Variants in CADM2 observed in about 807,000 individuals in gnomAD.
The protein encoded by CADM2 is immunoglobulin superfamily member 4D.
A neutral mutation model predicts 49.8 loss-of-function variants in CADM2; 12 were observed. That is an observed-to-expected ratio of 0.24 (90% CI 0.15 to 0.39). The LOEUF (loss-of-function observed/expected upper bound fraction) is 0.39, where lower values mean the gene tolerates loss of function less well. CADM2 is among the 10% of genes least tolerant of loss of function. The pLI, the probability that CADM2 is intolerant of heterozygous loss-of-function variation, is 1.00. For synonymous variants in CADM2, 214 were observed against 175.4 expected, an observed-to-expected ratio of 1.22 and a Z score of -1.74; for missense variants, 378 against 492.3, an observed-to-expected ratio of 0.77 and a Z score of 2.20.
intron 1 of CADM2, among the ~76,000 whole-genome samples, chr3:85,601,940 C>T (rs1427027101): frequency 1.3e-5 from 2 of 151,666 alleles, no homozygotes; most frequent in Admixed American, 6.6e-5. Context: ...GCAAAGTCAG[C>T]TGAAATCTTA....
At chr3:85,031,099 G>A (rs1050968579) in intron 1 of CADM2, among the ~76,000 whole-genome samples, 1 of 152,140 alleles carries the variant, frequency 6.6e-6, no homozygotes, top group Non-Finnish European at 1.5e-5. Context: ...CTCTGGAAAG[G>A]ACGGCCTGAC....
intron 1 of CADM2, among the ~76,000 whole-genome samples, chr3:85,074,546 G>T (rs75747646): frequency 6.6e-6 from 1 of 152,068 alleles, no homozygotes; most frequent in Non-Finnish European, 1.5e-5. Context: ...ATACCAAGCA[G>T]TTAGAATAGT....
At chr3:85,034,411 G>A (rs967008845) in intron 1 of CADM2, among the ~76,000 whole-genome samples, 1 of 152,098 alleles carries the variant, frequency 6.6e-6, no homozygotes, top group Non-Finnish European at 1.5e-5. Context: ...TATTTATGTT[G>A]CTGCAAGTGA....
intron 1 of CADM2, among the ~76,000 whole-genome samples, chr3:85,679,408 T>G (rs569280279): frequency 6.6e-6 from 1 of 152,188 alleles, no homozygotes; most frequent in East Asian, 1.9e-4. Context: ...GGTCTCTGAT[T>G]GTCTTATGTA....
chr3:85,716,810 G>T (rs562989283), intron 1 of CADM2, among the ~76,000 whole-genome samples: 1 of 152,062 alleles, frequency 6.6e-6, no homozygotes, highest in Non-Finnish European at 1.5e-5. Flanking sequence ...GGTTATAGAT[G>T]CATGGTGCAA....
chr3:85,132,266 A>G (rs1236556322), intron 1 of CADM2, among the ~76,000 whole-genome samples: 2 of 152,210 alleles, frequency 1.3e-5, no homozygotes, highest in Admixed American at 1.3e-4. Context: ...GCACCTGATC[A>G]CTGACTGTAA....
chr3:85,450,177 G>A (rs1469496675), intron 1 of CADM2, among the ~76,000 whole-genome samples: 1 of 152,078 alleles, frequency 6.6e-6, no homozygotes, highest in Non-Finnish European at 1.5e-5. Context: ...TATTTGGACA[G>A]CGTTATTTAA....
intron 6 of CADM2, among the ~76,000 whole-genome samples, chr3:85,919,270 A>G (rs1281900434): frequency 6.6e-6 from 1 of 152,018 alleles, no homozygotes; most frequent in Admixed American, 6.6e-5. Context: ...ATGAGTAGCT[A>G]TTTACACATG....
chr3:85,300,800 G>A (rs918408082), intron 1 of CADM2, among the ~76,000 whole-genome samples: 13 of 152,038 alleles, frequency 8.6e-5, no homozygotes, highest in East Asian at 1.9e-4. Flanking sequence ...CAGAAATGTC[G>A]GATTGGGGGT....
At chr3:85,263,678 T>G (rs2107897497) in intron 1 of CADM2, among the ~76,000 whole-genome samples, 1 of 152,016 alleles carries the variant, frequency 6.6e-6, no homozygotes, top group African/African-American at 2.4e-5. Context: ...TTCAAGAATC[T>G]ATTCCAATTT....
intron 1 of CADM2, among the ~76,000 whole-genome samples, chr3:85,449,357 C>A (rs1388290737): frequency 6.6e-6 from 1 of 151,678 alleles, no homozygotes; most frequent in Non-Finnish European, 1.5e-5. Flanking sequence ...GAAATTATTC[C>A]TTTTTTTAAG....
At chr3:85,573,621 G>A (rs1434279798) in intron 1 of CADM2, among the ~76,000 whole-genome samples, 2 of 152,194 alleles carry the variant, frequency 1.3e-5, no homozygotes, top group Non-Finnish European at 2.9e-5. Context: ...GATCTTGCAT[G>A]AATATGTAAT....
intron 1 of CADM2, among the ~76,000 whole-genome samples, chr3:85,499,531 A>G (rs1394378734): frequency 1.3e-5 from 2 of 151,338 alleles, no homozygotes; most frequent in Non-Finnish European, 2.9e-5. Flanking sequence ...ATTAATTTAT[A>G]TTACATAAAT....
chr3:85,885,072 G>T (rs73147162), intron 4 of CADM2, among the ~76,000 whole-genome samples: 1 of 151,702 alleles, frequency 6.6e-6, no homozygotes, highest in African/African-American at 2.4e-5. Context: ...TATGAAATCA[G>T]GAAAGAAAGA....
intron 1 of CADM2, among the ~76,000 whole-genome samples, chr3:85,074,048 C>A (rs1305250926): frequency 1.3e-5 from 2 of 152,120 alleles, no homozygotes; most frequent in Non-Finnish European, 2.9e-5. Flanking sequence ...GCATTAGCCA[C>A]ATTTTGAAGG....
At chr3:85,654,653 C>A (rs1030337418) in intron 1 of CADM2, among the ~76,000 whole-genome samples, 1 of 152,060 alleles carries the variant, frequency 6.6e-6, no homozygotes, top group Non-Finnish European at 1.5e-5. Flanking sequence ...GAGTAACAAC[C>A]CACTTAATAT....
At chr3:85,135,710 G>A (rs2039397574) in intron 1 of CADM2, among the ~76,000 whole-genome samples, 1 of 151,952 alleles carries the variant, frequency 6.6e-6, no homozygotes, top group African/African-American at 2.4e-5. Context: ...AAATATTATA[G>A]TATTCAAATA....
chr3:84,993,866 A>T (rs2033030890), intron 1 of CADM2, among the ~76,000 whole-genome samples: 1 of 152,208 alleles, frequency 6.6e-6, no homozygotes, highest in South Asian at 2.1e-4. Flanking sequence ...GAAACACAAC[A>T]GTAACAAAAT....
At chr3:85,597,091 C>G (rs1001361520) in intron 1 of CADM2, among the ~76,000 whole-genome samples, 2 of 151,854 alleles carry the variant, frequency 1.3e-5, no homozygotes, top group Non-Finnish European at 2.9e-5. Flanking sequence ...TAACTAAGGC[C>G]TTCTATTGCT....
Sources: gnomAD v4.1 joint callset for allele counts (sites outside exome capture counted in the v4.1 genomes callset) on GRCh38, gnomAD v4.1.1 for gene constraint, MANE v1.5 for transcripts, NCBI Gene and HGNC (gene_info 2026-07-23, HGNC 2026-07-21) for gene names.